The following ITGA9 variants were observed in gnomAD, a reference collection of about 807,000 sequenced individuals.
The protein encoded by ITGA9 is integrin alpha-9.
Under a neutral mutation model 127.8 loss-of-function variants are expected in ITGA9, and 56 were observed. The ratio of observed to expected loss-of-function variants is 0.44; its 90% confidence interval spans 0.35 to 0.55. The LOEUF is 0.55. Among genes scored for constraint, ITGA9 ranks in the 20% least tolerant of loss-of-function variants. The probability of loss-of-function intolerance (pLI) is 0.00; values close to 1 mark genes in which losing one functional copy is unlikely to be tolerated. For synonymous variants in ITGA9, 508 were observed against 514.5 expected, an observed-to-expected ratio of 0.99 and a Z score of 0.17; for missense variants, 1,196 against 1,347.1, an observed-to-expected ratio of 0.89 and a Z score of 1.76.
chr3:37,460,442 G>T, intron 1 of ITGA9, among the ~76,000 whole-genome samples: 1 of 152,154 alleles, frequency 6.6e-6, no homozygotes. Flanking sequence ...AACTAAAAGA[G>T]TATAATTGAA....
chr3:37,608,940 T>A (rs1166568172), intron 15 of ITGA9, among the ~76,000 whole-genome samples: 4 of 152,132 alleles, frequency 2.6e-5, no homozygotes, highest in Non-Finnish European at 5.9e-5. Context: ...AAGCTGGTGT[T>A]TTGTGTTTGG....
chr3:37,527,925 ACAGGT>A (rs1699110211), intron 13 of ITGA9, among the ~76,000 whole-genome samples: 1 of 152,088 alleles, frequency 6.6e-6, no homozygotes, highest in Non-Finnish European at 1.5e-5. Context: ...AGCTGGGATC[ACAGGT>A]GCACACCACC....
intron 1 of ITGA9, among the ~76,000 whole-genome samples, chr3:37,454,958 A>C (rs1698240530): frequency 6.6e-6 from 1 of 152,134 alleles, no homozygotes; most frequent in Non-Finnish European, 1.5e-5. Context: ...TAGAGGCTAG[A>C]CTTATTGTGC....
chr3:37,622,743 G>T (rs1242108305), intron 15 of ITGA9, among the ~76,000 whole-genome samples: 1 of 151,982 alleles, frequency 6.6e-6, no homozygotes, highest in Non-Finnish European at 1.5e-5. Flanking sequence ...TACTCTGGAG[G>T]CTGGGGCAGG....
chr3:37,523,049 G>C (rs1331138687), intron 11 of ITGA9, among the ~76,000 whole-genome samples: 1 of 152,200 alleles, frequency 6.6e-6, no homozygotes, highest in Non-Finnish European at 1.5e-5. Context: ...TTAATTACCT[G>C]TCTGTCTAGG....
In ITGA9 at chr3:37,819,066, A is replaced by C. The variant is rs1204269385; in HGVS notation, c.*77A>C. The C allele has an allele frequency of 4.4e-6, 5 of 1,142,678 alleles. No individual in the cohort carries two copies. Among genetic ancestry groups the C allele is most frequent in the Non-Finnish European group, 5.3e-6 (4 of 759,224 alleles). The allele number at this position is 1,142,678 out of a possible 1,614,324, so 70.8% of individuals were successfully genotyped here. ...TGTATCTTCCATATTTGGAAGAAAA[A>C]AATCTTCTCCAGATTTTTCGGAGGC... On this transcript the variant is annotated 3_prime_UTR_variant, in exon 28 of 28. Coordinates refer to ENST00000264741, the MANE Select transcript of ITGA9 (RefSeq NM_002207.3).
At chr3:37,647,160 A>G (rs1364119185) in intron 16 of ITGA9, among the ~76,000 whole-genome samples, 1 of 152,088 alleles carries the variant, frequency 6.6e-6, no homozygotes, top group African/African-American at 2.4e-5. Flanking sequence ...TAGCCTATGG[A>G]AGGTCTTACC....
rs560228147 is a variant in ITGA9, at chr3:37,614,166, T to G, written c.1690-15021T>G. On this transcript the variant is annotated intron_variant, in intron 15 of 27. Transcript: ENST00000264741. ...ATAAGGTGTAAGGAAGGGATCCAGT[T>G]TCAGCTTTCTACATATGGCTAGCCA... Among the ~76,000 whole-genome samples the G allele has an allele frequency of 7.0e-3, 1,067 of 152,194 alleles. 17 individuals are homozygous for G. The highest frequency in any genetic ancestry group is 0.025 in the African/African-American group (1,023 of 41,528).
intron 18 of ITGA9, among the ~76,000 whole-genome samples, chr3:37,709,198 T>A (rs1023080354): frequency 6.6e-6 from 1 of 152,224 alleles, no homozygotes; most frequent in Non-Finnish European, 1.5e-5. Context: ...ACCTGAGACA[T>A]AGTAGCCTTT....
At chr3:37,726,025 A>G (rs758882369) in intron 18 of ITGA9, among the ~76,000 whole-genome samples, 1 of 152,234 alleles carries the variant, frequency 6.6e-6, no homozygotes, top group Non-Finnish European at 1.5e-5. Flanking sequence ...GGTAAGGTTC[A>G]AGCTGACTCA....
At chr3:37,667,267 T>TTC (rs1172385230) in intron 17 of ITGA9, among the ~76,000 whole-genome samples, 1 of 152,224 alleles carries the variant, frequency 6.6e-6, no homozygotes, top group Non-Finnish European at 1.5e-5. Flanking sequence ...ACACCCAACA[T>TTC]TCTCCAGTAC....
In ITGA9 at chr3:37,803,961, G is replaced by A. The variant is rs1697265268; in HGVS notation, c.3009+19G>A. 3 of 1,613,794 alleles carry A rather than the reference G, an allele frequency of 1.9e-6. No homozygotes were observed. The highest frequency in any genetic ancestry group is 1.1e-5 in the South Asian group (1 of 91,070). On this transcript the variant is annotated intron_variant, in intron 27 of 27. Coordinates refer to ENST00000264741, the MANE Select transcript of ITGA9 (RefSeq NM_002207.3). The stretch of plus-strand genomic sequence containing the variant: ...CTGGAAGGTGAGTCTGGTGATTGCA[G>A]GTCCCCCTGGGGTCCCCACTCATAG...
At chr3:37,620,759 G>A (rs963239146) in intron 15 of ITGA9, among the ~76,000 whole-genome samples, 2 of 152,056 alleles carry the variant, frequency 1.3e-5, no homozygotes, top group Non-Finnish European at 2.9e-5. Context: ...AACTCCCAGG[G>A]TCACCCCTCT....
chr3:37,470,912 C>CA (rs1470869550), intron 1 of ITGA9, 95 bp from the exon 2 acceptor site: 17 of 1,314,292 alleles, frequency 1.3e-5, no homozygotes, highest in Non-Finnish European at 1.8e-5. Context: ...AGTGAGCACT[C>CA]AGAGAGCCCA....
chr3:37,777,288 A>G, intron 23 of ITGA9, 104 bp from the exon 24 acceptor site: 3 of 1,287,540 alleles, frequency 2.3e-6, no homozygotes, highest in South Asian at 2.4e-5. Context: ...CAAGGAGGAA[A>G]GGTGAATTGG....
chr3:37,759,494 A>G (rs1260168913), intron 23 of ITGA9, among the ~76,000 whole-genome samples: 2 of 152,362 alleles, frequency 1.3e-5, no homozygotes, highest in Admixed American at 6.5e-5. Context: ...TGATTCATCA[A>G]ATAAAGAATA....
At chr3:37,793,536 G>A (rs893407130) in intron 26 of ITGA9, among the ~76,000 whole-genome samples, 9 of 151,836 alleles carry the variant, frequency 5.9e-5, no homozygotes, top group African/African-American at 1.7e-4. Context: ...AGTGACCCCC[G>A]AACAAGTATT....
chr3:37,742,376 G>A (rs1249582812), intron 21 of ITGA9, among the ~76,000 whole-genome samples: 6 of 152,070 alleles, frequency 3.9e-5, no homozygotes, highest in African/African-American at 1.2e-4. Context: ...CCATCCCATC[G>A]GCCACACTGT....
chr3:37,788,075 T>TTC (rs1697062958), intron 26 of ITGA9, among the ~76,000 whole-genome samples: 1 of 152,242 alleles, frequency 6.6e-6, no homozygotes, highest in Admixed American at 6.5e-5. Flanking sequence ...CAAATCTACA[T>TTC]TCAAAGACAT....
Sources: gnomAD v4.1 joint callset for allele counts (sites outside exome capture counted in the v4.1 genomes callset) on GRCh38, gnomAD v4.1.1 for gene constraint, MANE v1.5 for transcripts, NCBI Gene and HGNC (gene_info 2026-07-23, HGNC 2026-07-21) for gene names.